The following FOXJ3 variants were observed in gnomAD, a reference collection of about 807,000 sequenced individuals.
The protein encoded by FOXJ3 is forkhead box protein J3.
Under a neutral mutation model 76.1 loss-of-function variants are expected in FOXJ3, and 22 were observed. The ratio of observed to expected loss-of-function variants is 0.29; its 90% CI spans 0.21 to 0.41. The LOEUF (loss-of-function observed/expected upper bound fraction) is 0.41. FOXJ3 is among the 10% of genes least tolerant of loss of function. FOXJ3 has a pLI of 1.00. For synonymous variants in FOXJ3, 269 were observed against 261.2 expected, an observed-to-expected ratio of 1.03 and a Z score of -0.29; for missense variants, 613 against 762.1, an observed-to-expected ratio of 0.80 and a Z score of 2.30.
rs890974650 is a variant in FOXJ3 at position 42,310,939 on chromosome 1, T to C, written c.44+111A>G. On this transcript the variant is annotated intron_variant, in intron 2 of 12. Coordinates refer to ENST00000361346, the MANE Select transcript of FOXJ3 (RefSeq NM_014947.5). ...AATTGCACTACTTGACAAAACAAGC[T>C]ACAATATTTTATTCTGAATCTCACC... 4.2e-5 allele frequency: 27 copies of C among 645,082 alleles called. 1 individual carries two copies. The highest frequency in any genetic ancestry group is 4.0e-4 in the Middle Eastern group (1 of 2,480). The allele number at this position is 645,082 out of a possible 1,614,324, so 40.0% of individuals were successfully genotyped here.
chr1:42,258,446 G>C (rs1431183095), intron 4 of FOXJ3, among the ~76,000 whole-genome samples: 2 of 152,130 alleles, frequency 1.3e-5, no homozygotes, highest in African/African-American at 4.8e-5. Flanking sequence ...TTCTAGCTTG[G>C]ACAATAGGTT....
rs751133428 is a variant in FOXJ3 at position 42,176,627 on chromosome 1, A to C, written c.*3083T>G. On this transcript the variant is annotated 3_prime_UTR_variant, in exon 13 of 13. Coordinates refer to ENST00000361346, the MANE Select transcript of FOXJ3 (RefSeq NM_014947.5). ...CAGCAACAATCCTAATGACACTTGG[A>C]ATATTTCTTTACAGCACTAAACAGT... 6.6e-6 allele frequency: 1 copy of C among 152,626 alleles called. No individual in the cohort carries two copies. Among genetic ancestry groups the C allele is most frequent in the Non-Finnish European group, 1.5e-5 (1 of 68,026 alleles). The allele number at this position is 152,626 out of a possible 1,614,324, so 9.5% of individuals were successfully genotyped here. A position where few individuals can be genotyped will look rare whatever the true frequency, so the allele number is the denominator to read the frequency against.
At chr1:42,191,999 G>C (rs558025873) in intron 8 of FOXJ3, among the ~76,000 whole-genome samples, 1 of 152,284 alleles carries the variant, frequency 6.6e-6, no homozygotes, top group South Asian at 2.1e-4. Context: ...CTCCTTGTCT[G>C]TTCAGCTAGG....
chr1:42,293,282 CA>C (rs5773765), intron 2 of FOXJ3, among the ~76,000 whole-genome samples: 1 of 149,060 alleles, frequency 6.7e-6, no homozygotes. Flanking sequence ...CTTGCTCTAA[CA>C]AAAAAAAAAC....
rs568593676 is a variant in FOXJ3 at position 42,178,140 on chromosome 1, T to A, written c.*1570A>T. The A allele has an allele frequency of 6.6e-6, 1 of 152,566 alleles. No homozygotes were observed. The highest frequency in any genetic ancestry group is 2.4e-5 in the African/African-American group (1 of 41,512). The allele number at this position is 152,566 out of a possible 1,614,324, so 9.5% of individuals were successfully genotyped here. A position where few individuals can be genotyped will look rare whatever the true frequency, so the allele number is the denominator to read the frequency against. ...CCACTAAAAAACCCGTAAGAGGGGCTGCATTTCAAAGAAAGGGACCAAATG... is the reference window on the plus strand; with the variant it reads ...CCACTAAAAAACCCGTAAGAGGGGCAGCATTTCAAAGAAAGGGACCAAATG... On this transcript the variant is annotated 3_prime_UTR_variant, in exon 13 of 13. Transcript: ENST00000361346.
chr1:42,267,469 G>A (rs1485372089), intron 3 of FOXJ3, among the ~76,000 whole-genome samples: 1 of 151,992 alleles, frequency 6.6e-6, no homozygotes, highest in Admixed American at 6.6e-5. Context: ...ATCCCCACAA[G>A]AACGGCCTGA....
intron 8 of FOXJ3, among the ~76,000 whole-genome samples, chr1:42,192,594 T>C (rs1646571340): frequency 6.6e-6 from 1 of 152,228 alleles, no homozygotes; most frequent in Admixed American, 6.5e-5. Flanking sequence ...GCCATGATGA[T>C]GATTAAGCCA....
At chr1:42,316,237 T>C (rs1168255005) in intron 1 of FOXJ3, among the ~76,000 whole-genome samples, 3 of 140,682 alleles carry the variant, frequency 2.1e-5, no homozygotes, top group East Asian at 1.9e-4. Flanking sequence ...GGCCAGATGA[T>C]AGCTCACTGC....
intron 11 of FOXJ3, among the ~76,000 whole-genome samples, chr1:42,185,553 T>C (rs1646418804): frequency 6.6e-6 from 1 of 151,976 alleles, no homozygotes; most frequent in South Asian, 2.1e-4. Flanking sequence ...GATGGATCTG[T>C]CTCAACCACT....
chr1:42,294,055 T>C (rs1008799861), intron 2 of FOXJ3, among the ~76,000 whole-genome samples: 5 of 152,236 alleles, frequency 3.3e-5, no homozygotes, highest in East Asian at 1.9e-4. Context: ...TCAGATTGAA[T>C]AGAATTGAGG....
chr1:42,298,075 CTT>C (rs1272080453), intron 2 of FOXJ3, among the ~76,000 whole-genome samples: 3 of 152,094 alleles, frequency 2.0e-5, no homozygotes, highest in Admixed American at 1.3e-4. Context: ...ATACTGTTCT[CTT>C]GATAGTAAGT....
At chr1:42,295,144 T>C (rs1309653814) in intron 2 of FOXJ3, among the ~76,000 whole-genome samples, 8 of 152,216 alleles carry the variant, frequency 5.3e-5, no homozygotes, top group Non-Finnish European at 8.8e-5. Context: ...ACTGGGCTTC[T>C]AGTGTACCCA....
chr1:42,333,074 T>C (rs927622217), intron 1 of FOXJ3, among the ~76,000 whole-genome samples: 2 of 152,028 alleles, frequency 1.3e-5, no homozygotes, highest in Non-Finnish European at 2.9e-5. Context: ...AGTACACAAA[T>C]GCTGACTTAC....
chr1:42,282,253 A>AG (rs1237614337), intron 2 of FOXJ3, among the ~76,000 whole-genome samples: 2 of 152,060 alleles, frequency 1.3e-5, no homozygotes, highest in Non-Finnish European at 2.9e-5. Context: ...AAAGCTTCCT[A>AG]GCTGGCTTCC....
At chr1:42,280,402 AC>A (rs566544703) in intron 2 of FOXJ3, 40 of 708,792 alleles carry the variant, frequency 5.6e-5, no homozygotes, top group Non-Finnish European at 6.5e-5. Context: ...CTGAACCTGA[AC>A]TTTAAATTCA....
rs758846432 is a variant in FOXJ3, at chr1:42,191,528, G to A, written c.1126C>T (p.His376Tyr). The A allele has an allele frequency of 1.9e-6, 3 of 1,613,966 alleles. No homozygotes were observed. The highest frequency in any genetic ancestry group is 2.7e-5 in the African/African-American group (2 of 74,890). ...AQVSLSHPQM[H>Y]TQPSPHPPHR... ...GGAGGATGTGGAGATGGCTGTGTGTGCATCTGGGGGTGAGACAGTGAGACC... is the reference window on the plus strand; with the variant it reads ...GGAGGATGTGGAGATGGCTGTGTGTACATCTGGGGGTGAGACAGTGAGACC... Residue 376 changes from histidine (H) to tyrosine (Y), a missense_variant, in exon 9 of 13, where the codon CAC becomes TAC. Transcript: ENST00000361346.
At chr1:42,298,402 T>G (rs943461993) in intron 2 of FOXJ3, among the ~76,000 whole-genome samples, 1 of 152,178 alleles carries the variant, frequency 6.6e-6, no homozygotes, top group African/African-American at 2.4e-5. Context: ...TCTTGCGAGG[T>G]TGTATCTTTC....
intron 4 of FOXJ3, among the ~76,000 whole-genome samples, chr1:42,241,978 G>A (rs2124525880): frequency 6.6e-6 from 1 of 152,232 alleles, no homozygotes; most frequent in East Asian, 1.9e-4. Context: ...TATAGCCCAA[G>A]TCACTGAGAA....
intron 5 of FOXJ3, among the ~76,000 whole-genome samples, chr1:42,216,638 G>A (rs1173240797): frequency 6.6e-6 from 1 of 152,170 alleles, no homozygotes. Context: ...TTACAACTAT[G>A]GGGTATAGCG....
Sources: allele counts gnomAD v4.1 joint callset (sites outside exome capture counted in the v4.1 genomes callset), GRCh38; gene constraint gnomAD v4.1.1; transcripts MANE v1.5; gene names NCBI Gene and HGNC (gene_info 2026-07-23, HGNC 2026-07-21).